Variants in MAGI2 observed in about 807,000 individuals in gnomAD.
MAGI2 encodes the protein membrane-associated guanylate kinase, WW and PDZ domain-containing protein 2.
In MAGI2, 35 loss-of-function variants were observed where a neutral mutation model predicts 133.3. The observed-to-expected ratio is 0.26, with a 90% CI of 0.20 to 0.35. The LOEUF (loss-of-function observed/expected upper bound fraction) is 0.35. MAGI2 is among the 10% of genes least tolerant of loss of function. The pLI is 1.00. For missense variants in MAGI2, 1,636 were observed against 1,863.4 expected (o/e 0.88, Z 2.25); for synonymous variants, 729 against 710.6 (o/e 1.03, Z -0.41).
intron 10 of MAGI2, chr7:78,255,735 TTG>T: frequency 1.6e-6 from 1 of 630,496 alleles, no homozygotes; most frequent in Non-Finnish European, 2.8e-6. Context: ...ACTATTATTA[TTG>T]TGTTTAATAC....
chr7:78,900,039 C>A (rs1038097351), intron 2 of MAGI2, among the ~76,000 whole-genome samples: 1 of 152,090 alleles, frequency 6.6e-6, no homozygotes, highest in African/African-American at 2.4e-5. Flanking sequence ...TGAAAGGGAC[C>A]CAAATCCTTT....
At chr7:79,375,202 C>T (rs887383095) in intron 1 of MAGI2, among the ~76,000 whole-genome samples, 4 of 151,862 alleles carry the variant, frequency 2.6e-5, no homozygotes, top group Admixed American at 6.6e-5. Context: ...AAATAAATAC[C>T]GATTGAGTAT....
chr7:78,950,100 C>G (rs959419977), intron 2 of MAGI2, among the ~76,000 whole-genome samples: 5 of 152,110 alleles, frequency 3.3e-5, no homozygotes, highest in African/African-American at 1.2e-4. Flanking sequence ...CTCTCTTTTC[C>G]TCCCTTCTTC....
chr7:78,291,908 A>C (rs1196011268), intron 9 of MAGI2, among the ~76,000 whole-genome samples: 2 of 152,182 alleles, frequency 1.3e-5, no homozygotes, highest in Non-Finnish European at 2.9e-5. Context: ...ACTCTCAATA[A>C]ACTAGGTACC....
rs143785209 is a variant in MAGI2, at chr7:78,160,253, C to T, written c.2617G>A (p.Gly873Arg). 1.0e-5 allele frequency: 16 copies of T among 1,597,056 alleles called. No individual in the cohort carries two copies. Among genetic ancestry groups the T allele is most frequent in the Admixed American group, 6.8e-5 (4 of 58,694 alleles). ...GTGGATACAGAGCCTGGACTTCTCCCGTTCTCTGGGCAGGGCTCCCCTGCA... is the reference window on the plus strand; with the variant it reads ...GTGGATACAGAGCCTGGACTTCTCCTGTTCTCTGGGCAGGGCTCCCCTGCA... ...LCGGEPCPEN[G>R]RSPGSVSTHH... is the part of the protein sequence containing the mutation. The change falls in exon 16 of 22, where the codon GGG (glycine) becomes AGG (arginine). Residue 873 changes from glycine (G) to arginine (R), a missense_variant. Transcript: ENST00000354212.
At chr7:78,203,935 T>C (rs1233856303) in intron 10 of MAGI2, among the ~76,000 whole-genome samples, 1 of 152,216 alleles carries the variant, frequency 6.6e-6, no homozygotes, top group Non-Finnish European at 1.5e-5. Flanking sequence ...CTTACTTTTT[T>C]TGTGGGGATG....
chr7:78,445,745 G>C (rs1422755971), intron 6 of MAGI2, among the ~76,000 whole-genome samples: 1 of 151,764 alleles, frequency 6.6e-6, no homozygotes, highest in East Asian at 1.9e-4. Context: ...TTATTTGTAA[G>C]CTTAAATGTG....
intron 1 of MAGI2, among the ~76,000 whole-genome samples, chr7:79,017,540 C>A (rs967216504): frequency 6.6e-6 from 1 of 152,198 alleles, no homozygotes; most frequent in Non-Finnish European, 1.5e-5. Flanking sequence ...CTTCTTACCT[C>A]CAAATGACCA....
At chr7:78,725,422 T>C (rs541248803) in intron 2 of MAGI2, among the ~76,000 whole-genome samples, 3 of 152,336 alleles carry the variant, frequency 2.0e-5, no homozygotes, top group South Asian at 4.1e-4. Flanking sequence ...TAAATCCCCA[T>C]CACAGCACTG....
At chr7:78,145,785 A>C (rs1475972997) in intron 16 of MAGI2, among the ~76,000 whole-genome samples, 1 of 152,088 alleles carries the variant, frequency 6.6e-6, no homozygotes, top group Non-Finnish European at 1.5e-5. Flanking sequence ...TAAGATGGCT[A>C]CCTCCTTGCT....
At chr7:78,626,042 A>G (rs1228158454) in intron 3 of MAGI2, among the ~76,000 whole-genome samples, 9 of 152,168 alleles carry the variant, frequency 5.9e-5, no homozygotes, top group Non-Finnish European at 1.0e-4. Flanking sequence ...AGAGGGCCCA[A>G]CTGTTAACGT....
At chr7:78,996,950 T>C (rs1246202148) in intron 2 of MAGI2, among the ~76,000 whole-genome samples, 1 of 126,034 alleles carries the variant, frequency 7.9e-6, no homozygotes, top group African/African-American at 2.8e-5. Context: ...AGTGCCCGAG[T>C]CATATTCTGC....
Position 78,160,148 on chromosome 7 carries a change from G to A in MAGI2, c.2722C>T (p.Pro908Ser), listed in dbSNP as rs772788663. ...AGGCTGTGGGAGGCGAAGCCTTCAGGGGGAGAGGCATTGCTACTGGGGGCA... is the reference window on the plus strand; with the variant it reads ...AGGCTGTGGGAGGCGAAGCCTTCAGAGGGAGAGGCATTGCTACTGGGGGCA... Reference protein sequence around the residue: ...HAAPSSNASPPEGFASHSLQT... With the variant: ...HAAPSSNASPSEGFASHSLQT... The change falls in exon 16 of 22, where the codon CCT becomes TCT. Residue 908 changes from proline (P) to serine (S), a missense_variant. By Grantham distance (74) the Pro-to-Ser change is moderately conservative (BLOSUM62 -1). Coordinates refer to ENST00000354212, the MANE Select transcript of MAGI2 (RefSeq NM_012301.4). 3 of 1,612,836 alleles carry A rather than the reference G, an allele frequency of 1.9e-6. No homozygotes were observed. Among genetic ancestry groups the A allele is most frequent in the Non-Finnish European group, 2.5e-6 (3 of 1,179,416 alleles).
intron 2 of MAGI2, among the ~76,000 whole-genome samples, chr7:79,002,504 C>T (rs921243478): frequency 1.3e-5 from 2 of 151,950 alleles, no homozygotes; most frequent in African/African-American, 4.8e-5. Context: ...TCATTATGTG[C>T]CCAACAATTC....
At chr7:78,582,259 G>T (rs1802911375) in intron 3 of MAGI2, among the ~76,000 whole-genome samples, 1 of 152,168 alleles carries the variant, frequency 6.6e-6, no homozygotes, top group Non-Finnish European at 1.5e-5. Context: ...CAGGTATAAG[G>T]CAGGAAAGGA....
At chr7:78,324,922 C>T (rs755817318) in intron 9 of MAGI2, among the ~76,000 whole-genome samples, 39 of 152,174 alleles carry the variant, frequency 2.6e-4, no homozygotes, top group African/African-American at 7.0e-4. Flanking sequence ...GCCAAGATCG[C>T]GCCATTGTAC....
chr7:78,782,313 G>A (rs903976720), intron 2 of MAGI2, among the ~76,000 whole-genome samples: 1 of 152,200 alleles, frequency 6.6e-6, no homozygotes, highest in Non-Finnish European at 1.5e-5. Context: ...AGGCGGACTG[G>A]CTTCTAGCCT....
At chr7:79,051,427 C>T (rs1037340875) in intron 1 of MAGI2, among the ~76,000 whole-genome samples, 1 of 152,130 alleles carries the variant, frequency 6.6e-6, no homozygotes, top group South Asian at 2.1e-4. Flanking sequence ...TATTCTATTT[C>T]TTTATTATAA....
At chr7:79,058,806 T>C (rs1335881482) in intron 1 of MAGI2, among the ~76,000 whole-genome samples, 1 of 152,120 alleles carries the variant, frequency 6.6e-6, no homozygotes, top group Non-Finnish European at 1.5e-5. Context: ...GGTCTTGAAA[T>C]CAGACAGATT....
Sources: gnomAD v4.1 joint callset for allele counts (sites outside exome capture counted in the v4.1 genomes callset) on GRCh38, gnomAD v4.1.1 for gene constraint, MANE v1.5 for transcripts, NCBI Gene and HGNC (gene_info 2026-07-23, HGNC 2026-07-21) for gene names.